Variants in DNAH3 observed in about 807,000 individuals in gnomAD.
The protein encoded by DNAH3 is dynein axonemal heavy chain 3, also known as axonemal beta dynein heavy chain 3.
A neutral mutation model predicts 432.5 loss-of-function variants in DNAH3; 332 were observed. The ratio of observed to expected loss-of-function variants is 0.77; its 90% CI spans 0.70 to 0.84. DNAH3 has a LOEUF of 0.84. DNAH3 is among the 40% of genes least tolerant of loss of function. The pLI, the probability that DNAH3 is intolerant of heterozygous loss-of-function variation, is 0.00. For missense variants in DNAH3, 4,861 were observed against 5,114.0 expected, an observed-to-expected ratio of 0.95 and a Z score of 1.51; for synonymous variants, 1,956 against 1,900.2, an observed-to-expected ratio of 1.03 and a Z score of -0.76.
intron 40 of DNAH3, among the ~76,000 whole-genome samples, chr16:21,020,405 T>A (rs1377327878): frequency 5.1e-5 from 4 of 78,422 alleles, no homozygotes; most frequent in Admixed American, 1.4e-4. Context: ...ATATTTTTTT[T>A]TTTTTTTTTT....
chr16:21,042,211 G>A lies in DNAH3; in HGVS notation c.4462-8C>T, dbSNP rs1270633905. ...CACAGACAGCACTTCTACCTGGGGT[G>A]AGAATGCCCGGCTGATAAGAGCATC... On this transcript the variant is annotated splice_polypyrimidine_tract_variant and splice_region_variant and intron_variant, in intron 31 of 61. Coordinates refer to ENST00000261383, the Ensembl canonical transcript of DNAH3. 6.3e-7 allele frequency: 1 copy of A among 1,584,352 alleles called. No homozygotes were observed. Among genetic ancestry groups the A allele is most frequent in the Non-Finnish European group, 8.6e-7 (1 of 1,165,962 alleles).
intron 31 of DNAH3, among the ~76,000 whole-genome samples, chr16:21,048,270 C>G (rs1597237532): frequency 2.0e-5 from 3 of 152,372 alleles, no homozygotes; most frequent in African/African-American, 7.2e-5. Flanking sequence ...CGCCCCTCCC[C>G]CAGCCAGGCT....
intron 27 of DNAH3, 37 bp downstream of exon 27, chr16:21,058,049 T>C: frequency 1.7e-6 from 2 of 1,173,706 alleles, no homozygotes; most frequent in Non-Finnish European, 2.6e-6. Context: ...AATTGATGCT[T>C]GGATCTCTTC....
chr16:21,030,112 C>G (rs1451658530), intron 37 of DNAH3, among the ~76,000 whole-genome samples: 1 of 152,172 alleles, frequency 6.6e-6, no homozygotes, highest in African/African-American at 2.4e-5. Context: ...ACGTGTGAGC[C>G]TATAGGGCCC....
chr16:21,069,238 C>T (rs1186254369), intron 23 of DNAH3, among the ~76,000 whole-genome samples, 177 bp downstream of exon 23: 1 of 152,166 alleles, frequency 6.6e-6, no homozygotes, highest in Non-Finnish European at 1.5e-5. Context: ...AGCCATCGCA[C>T]TGGTCATATG....
chr16:21,050,003 A>G (rs1366199833), exon 30 of DNAH3: 1 of 1,614,046 alleles, frequency 6.2e-7, no homozygotes, highest in Non-Finnish European at 8.5e-7. Flanking sequence ...TCAGCTTCAA[A>G]GCTCCCATCA....
exon 5 of DNAH3, chr16:21,140,551 A>G (rs1216862456): frequency 6.2e-7 from 1 of 1,614,100 alleles, no homozygotes; most frequent in East Asian, 2.2e-5. Context: ...GGTCCGATTC[A>G]GATGGCTTCT....
chr16:21,138,119 A>G (rs2092668652), intron 5 of DNAH3, among the ~76,000 whole-genome samples: 1 of 151,978 alleles, frequency 6.6e-6, no homozygotes, highest in Non-Finnish European at 1.5e-5. Context: ...GGGGTGGTGC[A>G]TACCTGTAAT....
At position 21,075,443 on chromosome 16, in the gene DNAH3, TCA is replaced by T; in HGVS notation, c.3084+2_3084+3del. 1 of 1,605,700 alleles carries T rather than the reference TCA, an allele frequency of 6.2e-7. No homozygotes were observed. Among genetic ancestry groups the T allele is most frequent in the Non-Finnish European group, 8.5e-7 (1 of 1,172,264 alleles). On this transcript the variant is annotated splice_donor_variant and splice_donor_region_variant and intron_variant, in intron 21 of 61. Coordinates refer to ENST00000261383, the Ensembl canonical transcript of DNAH3. LOFTEE classifies it high-confidence loss of function. ...AAAGGGGCTGCGGTTGCAGTGAGACTCACAGTGTCCCTGTATTTCACGAAGCT... is the reference window on the plus strand; with the variant it reads ...AAAGGGGCTGCGGTTGCAGTGAGACTCAGTGTCCCTGTATTTCACGAAGCT...
rs150940133 is a variant in DNAH3, at chr16:21,073,920, G to A, written c.3084+1527C>T. 6.6e-5 allele frequency among the ~76,000 whole-genome samples: 10 copies of A among 152,214 alleles called. No homozygotes were observed. In the East Asian group the frequency reaches 1.9e-3, roughly 29 times the overall value. On this transcript the variant is annotated intron_variant, in intron 21 of 61. Transcript: ENST00000261383. ...TGGAGTCTAGACCATTATACCATACGCTTTTGTTCAATTTCATTTCCATAC... is the reference window on the plus strand; with the variant it reads ...TGGAGTCTAGACCATTATACCATACACTTTTGTTCAATTTCATTTCCATAC...
At chr16:20,961,266 G>A (rs556626521) in intron 53 of DNAH3, among the ~76,000 whole-genome samples, 48 of 152,094 alleles carry the variant, frequency 3.2e-4, no homozygotes, top group Non-Finnish European at 6.0e-4. Flanking sequence ...GGGTCTTTGC[G>A]GAGGCAAAGT....
intron 16 of DNAH3, among the ~76,000 whole-genome samples, chr16:21,099,639 C>T (rs1448266031): frequency 1.3e-5 from 2 of 152,166 alleles, no homozygotes; most frequent in African/African-American, 4.8e-5. Context: ...GTCACTTAAA[C>T]TCTCTGTGCC....
intron 36 of DNAH3, among the ~76,000 whole-genome samples, chr16:21,032,035 G>GAAAA (rs35664744): frequency 6.9e-6 from 1 of 144,094 alleles, no homozygotes; most frequent in African/African-American, 2.6e-5. Flanking sequence ...ACTCTGTCTC[G>GAAAA]AAAAAAAAAA....
At chr16:20,950,093 C>T (rs1345363863) in intron 56 of DNAH3, among the ~76,000 whole-genome samples, 1 of 152,152 alleles carries the variant, frequency 6.6e-6, no homozygotes, top group African/African-American at 2.4e-5. Context: ...AGTAATCCTT[C>T]GGCATCAGCC....
chr16:21,117,943 G>A (rs1361937288), intron 11 of DNAH3, among the ~76,000 whole-genome samples: 1 of 151,924 alleles, frequency 6.6e-6, no homozygotes, highest in Non-Finnish European at 1.5e-5. Context: ...TGCCACTGAG[G>A]GACAATGTGA....
At chr16:21,063,093 G>A (rs1300327935) in intron 24 of DNAH3, 1 of 168,494 alleles carries the variant, frequency 5.9e-6, no homozygotes, top group African/African-American at 2.4e-5. Context: ...GCTGGCATGT[G>A]TGGGTTTAAT....
At chr16:21,012,789 T>C (rs894021213) in intron 41 of DNAH3, among the ~76,000 whole-genome samples, 15 of 152,116 alleles carry the variant, frequency 9.9e-5, no homozygotes, top group African/African-American at 3.4e-4. Flanking sequence ...GATCTCACTC[T>C]CTTACTCTGT....
At chr16:21,130,682 G>A (rs987589312) in intron 7 of DNAH3, among the ~76,000 whole-genome samples, 1 of 152,018 alleles carries the variant, frequency 6.6e-6, no homozygotes, top group South Asian at 2.1e-4. Flanking sequence ...TGCTGTTGCT[G>A]GCATAATCTT....
chr16:20,988,122 C>T, intron 44 of DNAH3, 57 bp from the exon 45 acceptor site: 2 of 1,602,366 alleles, frequency 1.2e-6, no homozygotes, highest in South Asian at 2.2e-5. Context: ...CTCACACTGT[C>T]TGTGACCCTA....
Sources: allele counts gnomAD v4.1 joint callset (sites outside exome capture counted in the v4.1 genomes callset), GRCh38; gene constraint gnomAD v4.1.1; transcripts MANE v1.5; gene names NCBI Gene and HGNC (gene_info 2026-07-23, HGNC 2026-07-21).